FAM53B: variants seen among roughly 807,000 people sequenced by gnomAD.
The protein encoded by FAM53B is family with sequence similarity 53 member B.
A neutral mutation model predicts 32.7 loss-of-function variants in FAM53B; 12 were observed. The observed-to-expected ratio is 0.37, with a 90% confidence interval of 0.24 to 0.59. The LOEUF (loss-of-function observed/expected upper bound fraction) is 0.59, where lower values mean the gene tolerates loss of function less well. Ranked by LOEUF, FAM53B falls within the 20% of genes least tolerant of loss-of-function variation. The pLI, the probability that FAM53B is intolerant of heterozygous loss-of-function variation, is 0.72. For synonymous variants in FAM53B, 234 were observed against 228.7 expected (o/e 1.02, Z -0.21); for missense variants, 477 against 577.7 (o/e 0.83, Z 1.79).
intron 1 of FAM53B, among the ~76,000 whole-genome samples, chr10:124,721,020 C>T (rs1950065637): frequency 6.6e-6 from 1 of 152,060 alleles, no homozygotes; most frequent in Admixed American, 6.5e-5. Context: ...GGAAACATGG[C>T]AAAATCCCAT....
At chr10:124,717,764 A>C (rs1392595309) in intron 1 of FAM53B, among the ~76,000 whole-genome samples, 2 of 152,190 alleles carry the variant, frequency 1.3e-5, no homozygotes, top group Non-Finnish European at 2.9e-5. Flanking sequence ...CGCTAACAAC[A>C]ACCTGATTTA....
chr10:124,735,954 G>T (rs1018758977), intron 1 of FAM53B, among the ~76,000 whole-genome samples: 29 of 152,188 alleles, frequency 1.9e-4, no homozygotes, highest in Admixed American at 1.8e-3. Context: ...ACAGAATTGG[G>T]TTTCACCTAG....
chr10:124,688,782 T>C (rs897880934), intron 3 of FAM53B, among the ~76,000 whole-genome samples: 2 of 152,192 alleles, frequency 1.3e-5, no homozygotes, highest in Non-Finnish European at 1.5e-5. Flanking sequence ...CGAATGGCAT[T>C]TGACCTCAAA....
intron 1 of FAM53B, among the ~76,000 whole-genome samples, chr10:124,727,785 GGACGGCTCTGGC>G (rs1409704140): frequency 5.9e-5 from 9 of 152,116 alleles, no homozygotes; most frequent in African/African-American, 2.2e-4. Context: ...GGCCCACCGT[GGACGGCTCTGGC>G]TACAGCTAAC....
At chr10:124,694,568 G>A (rs915103770) in intron 3 of FAM53B, among the ~76,000 whole-genome samples, 2 of 152,202 alleles carry the variant, frequency 1.3e-5, no homozygotes, top group Non-Finnish European at 2.9e-5. Flanking sequence ...GGTCTGGCCC[G>A]GTTGACAGCT....
Position 124,682,461 on chromosome 10 carries a change from G to A in FAM53B, c.134-82C>T, listed in dbSNP as rs41307585. ...TTTATTATCTCCACACCAACAGCCC[G>A]TTTCAAACACAGTATCTTAGAGCCA... On this transcript the variant is annotated intron_variant, in intron 3 of 4. Coordinates refer to ENST00000337318, the MANE Select transcript of FAM53B (RefSeq NM_014661.4). The surrounding 1 kb of genome is among the most constrained non-coding windows in gnomAD (Gnocchi z 5.2). The A allele has an allele frequency of 0.013, 16,887 of 1,252,678 alleles. 161 individuals are homozygous for A. Among genetic ancestry groups the A allele is most frequent in the Non-Finnish European group, 0.017 (15,075 of 911,280 alleles). 77.6% of individuals were successfully genotyped at this position (1,252,678 alleles called of 1,614,324 possible).
At chr10:124,668,001 C>T (rs896965024) in intron 4 of FAM53B, among the ~76,000 whole-genome samples, 4 of 152,122 alleles carry the variant, frequency 2.6e-5, no homozygotes, top group Non-Finnish European at 4.4e-5. Context: ...CACACCAGGC[C>T]CACCTATCTC....
intron 4 of FAM53B, among the ~76,000 whole-genome samples, chr10:124,643,537 G>A (rs1459988069): frequency 1.3e-5 from 2 of 152,380 alleles, no homozygotes; most frequent in African/African-American, 4.8e-5. Context: ...ACAGAGCCCC[G>A]GGAGGGCCAG....
intron 1 of FAM53B, among the ~76,000 whole-genome samples, chr10:124,712,040 T>C (rs964310858): frequency 1.3e-5 from 2 of 152,004 alleles, no homozygotes; most frequent in South Asian, 2.1e-4. Flanking sequence ...AGCCTGGTGA[T>C]AGAGGGAGAC....
At chr10:124,630,274 C>T (rs1346243185) in intron 4 of FAM53B, among the ~76,000 whole-genome samples, 1 of 152,180 alleles carries the variant, frequency 6.6e-6, no homozygotes, top group African/African-American at 2.4e-5. Context: ...ATTAGCCTGA[C>T]ATAGTGGCGC....
At chr10:124,740,037 TGAGG>T (rs771202160) in intron 1 of FAM53B, among the ~76,000 whole-genome samples, 2 of 152,300 alleles carry the variant, frequency 1.3e-5, no homozygotes, top group East Asian at 3.9e-4. Flanking sequence ...CCAATCACTG[TGAGG>T]GGAAAGAAAA....
chr10:124,627,535 CCTGGGCTGGGCCACCTACT>C (rs2134036137), intron 4 of FAM53B, among the ~76,000 whole-genome samples: 1 of 151,644 alleles, frequency 6.6e-6, no homozygotes, highest in African/African-American at 2.4e-5. Flanking sequence ...CAGCCCCAGC[CCTGGGCTGGGCCACCTACT>C]CTGGAACAGG....
At chr10:124,702,264 A>G (rs1259307991) in intron 2 of FAM53B, among the ~76,000 whole-genome samples, 1 of 152,258 alleles carries the variant, frequency 6.6e-6, no homozygotes, top group Non-Finnish European at 1.5e-5. Flanking sequence ...ATTAGAAAAC[A>G]AAAGAAAAAT....
intron 4 of FAM53B, among the ~76,000 whole-genome samples, chr10:124,675,902 G>A (rs1240363073): frequency 1.3e-5 from 2 of 152,238 alleles, no homozygotes; most frequent in East Asian, 1.9e-4. Flanking sequence ...CAGAGATGGT[G>A]GATGACGTTC....
chr10:124,712,067 T>C lies in FAM53B; in HGVS notation c.-174-5180A>G, dbSNP rs367964952. On this transcript the variant is annotated intron_variant, in intron 1 of 4. Transcript: ENST00000337318. ...GAGGGAGACCTTATATCAAAAGAAA[T>C]AATTAAGCTGGGTGCAGTGGGTCAT... Among the ~76,000 whole-genome samples the C allele has an allele frequency of 1.8e-4, 28 of 151,884 alleles. No homozygotes were observed. The East Asian group carries it at 4.3e-3, about 23-fold the overall frequency.
intron 3 of FAM53B, among the ~76,000 whole-genome samples, chr10:124,690,747 A>T (rs1182137157): frequency 2.0e-5 from 3 of 152,248 alleles, no homozygotes; most frequent in Non-Finnish European, 4.4e-5. Flanking sequence ...AAAATCACAC[A>T]TATGACCATA....
At position 124,706,631 on chromosome 10, in the gene FAM53B, C is replaced by G. The variant is rs376041064; in HGVS notation, c.78+5G>C. ...TGGAAAGCAGGAAGCCTGCCAGGTCCTCACCAGTTCACGGCTGAAGGTCCC... is the reference window on the plus strand; with the variant it reads ...TGGAAAGCAGGAAGCCTGCCAGGTCGTCACCAGTTCACGGCTGAAGGTCCC... On this transcript the variant is annotated splice_donor_5th_base_variant and intron_variant, in intron 2 of 4. Transcript: ENST00000337318. 38 of 1,614,126 alleles carry G rather than the reference C, an allele frequency of 2.4e-5. No individual in the cohort carries two copies. Among genetic ancestry groups the G allele is most frequent in the Middle Eastern group, 1.6e-4 (1 of 6,084 alleles).
chr10:124,668,503 G>A (rs1388264377), intron 4 of FAM53B, among the ~76,000 whole-genome samples: 1 of 152,280 alleles, frequency 6.6e-6, no homozygotes, highest in East Asian at 1.9e-4. Flanking sequence ...TACGGGCAAT[G>A]CACTTTCAGT....
intron 4 of FAM53B, among the ~76,000 whole-genome samples, chr10:124,641,648 C>T (rs1467303626): frequency 2.0e-5 from 3 of 152,226 alleles, no homozygotes; most frequent in African/African-American, 7.2e-5. Context: ...GAGCAACCAC[C>T]ATGGCCTTAG....
Sources: allele counts gnomAD v4.1 joint callset (sites outside exome capture counted in the v4.1 genomes callset), GRCh38; gene constraint gnomAD v4.1.1; non-coding constraint Gnocchi (gnomAD v3.1); transcripts MANE v1.5; gene names NCBI Gene and HGNC (gene_info 2026-07-23, HGNC 2026-07-21).